UGGT1: variants seen among roughly 807,000 people sequenced by gnomAD.
UGGT1 encodes the protein UDP-glucose glycoprotein glucosyltransferase 1, also known as UDP-glucose:glycoprotein glucosyltransferase 1.
UGGT1 carries 107 observed loss-of-function variants against 203.9 expected under a neutral mutation model. The observed-to-expected ratio is 0.52, with a 90% CI of 0.45 to 0.62. UGGT1 has a LOEUF of 0.62. UGGT1 is among the 20% of genes least tolerant of loss of function. The pLI is 0.00. For missense variants in UGGT1, 1,673 were observed against 1,867.2 expected, an observed-to-expected ratio of 0.90 and a Z score of 1.92; for synonymous variants, 628 against 653.5, an observed-to-expected ratio of 0.96 and a Z score of 0.59.
chr2:128,119,201 G>A (rs1036128229), intron 8 of UGGT1, among the ~76,000 whole-genome samples: 7 of 152,104 alleles, frequency 4.6e-5, no homozygotes, highest in Admixed American at 2.6e-4. Flanking sequence ...TCAGAATTTC[G>A]GATTTGGGAT....
At chr2:128,112,154 C>T (rs1226217424) in intron 5 of UGGT1, among the ~76,000 whole-genome samples, 1 of 150,830 alleles carries the variant, frequency 6.6e-6, no homozygotes, top group Non-Finnish European at 1.5e-5. Context: ...GGCCTGGTGG[C>T]TTTTGCCTGT....
At chr2:128,114,736 C>T (rs1461480639) in intron 6 of UGGT1, among the ~76,000 whole-genome samples, 2 of 152,210 alleles carry the variant, frequency 1.3e-5, no homozygotes, top group African/African-American at 4.8e-5. Flanking sequence ...GACCATAGCA[C>T]TTTCAGCTGT....
intron 8 of UGGT1, among the ~76,000 whole-genome samples, chr2:128,117,922 T>C (rs1688195254): frequency 6.6e-6 from 1 of 151,954 alleles, no homozygotes; most frequent in African/African-American, 2.4e-5. Context: ...TTTAGAGCCC[T>C]GAATTCTGCT....
chr2:128,176,915 T>C lies in UGGT1; in HGVS notation c.3624+17T>C, dbSNP rs1428850265. 3 of 1,608,140 alleles carry C rather than the reference T, an allele frequency of 1.9e-6. No individual in the cohort carries two copies. In the East Asian group the frequency reaches 6.7e-5, roughly 36 times the overall value. ...AAAGTGAAGGTGAGTTTGGTAAAAG[T>C]AGTGGCATTCTGTTATTGGACAGCT... On this transcript the variant is annotated intron_variant, in intron 32 of 40. Transcript: ENST00000259253.
At chr2:128,149,373 G>A (rs899304558) in intron 18 of UGGT1, among the ~76,000 whole-genome samples, 8 of 149,508 alleles carry the variant, frequency 5.4e-5, no homozygotes, top group Admixed American at 1.3e-4. Context: ...GGCCGGGCGC[G>A]ATGGCTCATG....
At chr2:128,093,597 C>T (rs1055277661) in intron 1 of UGGT1, among the ~76,000 whole-genome samples, 1 of 152,170 alleles carries the variant, frequency 6.6e-6, no homozygotes, top group African/African-American at 2.4e-5. Flanking sequence ...AGAACTGTGG[C>T]CACTGAAAAT....
chr2:128,123,373 C>A, intron 11 of UGGT1, 127 bp downstream of exon 11: 1 of 829,096 alleles, frequency 1.2e-6, no homozygotes, highest in Non-Finnish European at 1.8e-6. Context: ...TTTTTCATTT[C>A]TGTGATCTTT....
chr2:128,100,836 A>T (rs1687346460), intron 2 of UGGT1, among the ~76,000 whole-genome samples: 2 of 152,122 alleles, frequency 1.3e-5, no homozygotes, highest in African/African-American at 2.4e-5. Flanking sequence ...TACAGCATAA[A>T]ACTATGGACT....
rs75606714 is a variant in UGGT1 at position 128,095,183 on chromosome 2, A to G, written c.59-2246A>G. 2.8e-3 allele frequency among the ~76,000 whole-genome samples: 423 copies of G among 152,262 alleles called. 5 individuals carry two copies. The highest frequency in any genetic ancestry group is 8.9e-3 in the African/African-American group (368 of 41,544). On this transcript the variant is annotated intron_variant, in intron 1 of 40. Coordinates refer to ENST00000259253, the MANE Select transcript of UGGT1 (RefSeq NM_020120.4). ...ACTCAACCAGCCAGGAATCACTGCT[A>G]TCAGGTTTCATTGTGTAAAATCTAG...
At chr2:128,173,021 C>T (rs1055024691) in intron 29 of UGGT1, among the ~76,000 whole-genome samples, 1 of 152,114 alleles carries the variant, frequency 6.6e-6, no homozygotes, top group African/African-American at 2.4e-5. Context: ...CAGTGAAAGC[C>T]CCATACTCAT....
chr2:128,124,687 C>A (rs199845250), intron 11 of UGGT1, among the ~76,000 whole-genome samples: 76 of 145,602 alleles, frequency 5.2e-4, no homozygotes, highest in African/African-American at 1.5e-3. Context: ...TTCTCTTTTT[C>A]AAAAAAAAAA....
chr2:128,096,083 G>A (rs1687105208), intron 1 of UGGT1, among the ~76,000 whole-genome samples: 1 of 152,182 alleles, frequency 6.6e-6, no homozygotes, highest in African/African-American at 2.4e-5. Flanking sequence ...TGCAGCTGGA[G>A]ACCTTTTTCT....
chr2:128,107,620 G>A (rs1260063693), intron 3 of UGGT1, among the ~76,000 whole-genome samples: 1 of 152,218 alleles, frequency 6.6e-6, no homozygotes, highest in Admixed American at 6.5e-5. Context: ...CATGGGGTAG[G>A]GATTGTGGAG....
chr2:128,152,934 CT>C lies in UGGT1; in HGVS notation c.2137+37del. 6 of 1,606,310 alleles carry C rather than the reference CT, an allele frequency of 3.7e-6. No individual in the cohort carries two copies. In the Admixed American group the frequency reaches 7.0e-5, roughly 19 times the overall value. The stretch of plus-strand genomic sequence containing the variant: ...GGAGCATTTCAGGAACAACCTTATG[CT>C]TTTTTTGACTTGTGCTTCAGAATCT... On this transcript the variant is annotated intron_variant, in intron 19 of 40. Coordinates refer to ENST00000259253, the MANE Select transcript of UGGT1 (RefSeq NM_020120.4).
At chr2:128,111,713 T>C (rs1481297727) in intron 5 of UGGT1, among the ~76,000 whole-genome samples, 2 of 151,886 alleles carry the variant, frequency 1.3e-5, no homozygotes, top group Non-Finnish European at 2.9e-5. Flanking sequence ...GCCAGGATAG[T>C]CTTGATCTCC....
chr2:128,131,554 T>C (rs1003518966), intron 13 of UGGT1, among the ~76,000 whole-genome samples: 12 of 152,190 alleles, frequency 7.9e-5, no homozygotes, highest in African/African-American at 2.4e-4. Flanking sequence ...TCTCTTTTTG[T>C]GTATACATGT....
rs147416872 is a variant in UGGT1, at chr2:128,165,344, G to T, written c.2921+519G>T. 4.4e-3 allele frequency among the ~76,000 whole-genome samples: 664 copies of T among 152,280 alleles called. 2 individuals are homozygous for T. The highest frequency in any genetic ancestry group is 0.015 in the African/African-American group (622 of 41,548). On this transcript the variant is annotated intron_variant, in intron 26 of 40. Transcript: ENST00000259253. ...GGAGGTAGAGGCTGCAGTGAGCCAT[G>T]ATCTCATCACTGCACTTCCAGCCTG...
rs2104867363 is a variant in UGGT1, at chr2:128,195,583, C to A, written c.*5841C>A. 6.6e-6 allele frequency: 1 copy of A among 152,316 alleles called. No individual in the cohort carries two copies. The highest frequency in any genetic ancestry group is 2.4e-5 in the African/African-American group (1 of 41,574). 9.4% of individuals were successfully genotyped at this position (152,316 alleles called of 1,614,324 possible). On this transcript the variant is annotated 3_prime_UTR_variant, in exon 41 of 41. Transcript: ENST00000259253. ...TTGGGCTTTTAAATGTCTGCAGAATCTCTGCGTTCGAAGGGAATTGAGAAT... is the reference window on the plus strand; with the variant it reads ...TTGGGCTTTTAAATGTCTGCAGAATATCTGCGTTCGAAGGGAATTGAGAAT...
intron 3 of UGGT1, among the ~76,000 whole-genome samples, chr2:128,105,158 C>T (rs913164012): frequency 2.6e-5 from 4 of 151,336 alleles, no homozygotes; most frequent in Non-Finnish European, 5.9e-5. Context: ...TCTGGGATTA[C>T]AGGCATGAAC....
Sources: allele counts gnomAD v4.1 joint callset (sites outside exome capture counted in the v4.1 genomes callset), GRCh38; gene constraint gnomAD v4.1.1; transcripts MANE v1.5; gene names NCBI Gene and HGNC (gene_info 2026-07-23, HGNC 2026-07-21).